The following MYCBP2 variants were observed in gnomAD, a reference collection of about 807,000 sequenced individuals.
MYCBP2 encodes the protein E3 ubiquitin-protein ligase MYCBP2.
Under a neutral mutation model 525.3 loss-of-function variants are expected in MYCBP2, and 120 were observed. That is an observed-to-expected ratio of 0.23 (90% CI 0.20 to 0.27). The LOEUF is 0.27. Ranked by LOEUF, MYCBP2 falls within the 10% of genes least tolerant of loss-of-function variation. The pLI is 1.00. For synonymous variants in MYCBP2, 1,894 were observed against 1,955.8 expected (o/e 0.97, Z 0.83); for missense variants, 4,149 against 5,657.1 (o/e 0.73, Z 8.55).
chr13:77,325,608 C>G lies in MYCBP2; in HGVS notation c.302+866G>C, dbSNP rs148683885. 5.9e-5 allele frequency among the ~76,000 whole-genome samples: 9 copies of G among 152,358 alleles called. No homozygotes were observed. The East Asian group carries it at 1.7e-3, about 29-fold the overall frequency. ...TCTACGCGCTATTCAGATTTTCTAG[C>G]TAGTGGCAGTTGAACGCTGTACCAG... On this transcript the variant is annotated intron_variant, in intron 1 of 82. Coordinates refer to ENST00000544440, the MANE Select transcript of MYCBP2 (RefSeq NM_015057.5).
chr13:77,257,677 C>A lies in MYCBP2; in HGVS notation c.2170G>T (p.Gly724Trp). 6.4e-7 allele frequency: 1 copy of A among 1,564,724 alleles called. No homozygotes were observed. Among genetic ancestry groups the A allele is most frequent in the South Asian group, 1.2e-5 (1 of 80,900 alleles). The change falls in exon 14 of 83, where the codon GGG (glycine) becomes TGG (tryptophan). Residue 724 changes from glycine to tryptophan, a missense_variant. Coordinates refer to ENST00000544440, the MANE Select transcript of MYCBP2 (RefSeq NM_015057.5). ...CTAAGAATTAAAGACCTACCTTTCC[C>A]ACCTTGGTTCATGGCACCAGTATCT... Reference protein sequence around the residue: ...GRDTGAMNQGGKGFGVENMAT... With the variant: ...GRDTGAMNQGWKGFGVENMAT...
chr13:77,077,036 C>CA, intron 67 of MYCBP2, 112 bp downstream of exon 67: 1 of 1,435,694 alleles, frequency 7.0e-7, no homozygotes, highest in Non-Finnish European at 9.3e-7. Flanking sequence ...AAAAAATGGG[C>CA]AACATTTATA....
At chr13:77,282,138 T>C (rs767636479) in intron 3 of MYCBP2, among the ~76,000 whole-genome samples, 2 of 152,014 alleles carry the variant, frequency 1.3e-5, no homozygotes, top group Non-Finnish European at 2.9e-5. Context: ...AGGCCGGGTG[T>C]GGTAGCTCAC....
intron 43 of MYCBP2, 101 bp downstream of exon 43, chr13:77,164,353 A>T (rs1416949656): frequency 1.4e-6 from 1 of 722,308 alleles, no homozygotes; most frequent in African/African-American, 1.8e-5. Context: ...AATATATGAG[A>T]TTACAAAATT....
chr13:77,325,967 G>C (rs991183287), intron 1 of MYCBP2, among the ~76,000 whole-genome samples: 1 of 152,098 alleles, frequency 6.6e-6, no homozygotes, highest in Non-Finnish European at 1.5e-5. Context: ...ACTCCTCTTG[G>C]TGAAAGGCAG....
chr13:77,199,193 G>C (rs1420718846), intron 26 of MYCBP2, among the ~76,000 whole-genome samples: 2 of 152,220 alleles, frequency 1.3e-5, no homozygotes, highest in African/African-American at 2.4e-5. Context: ...CGCACCATGC[G>C]CGAGCTGAAG....
chr13:77,143,988 TG>T (rs2055110717), intron 49 of MYCBP2: 1 of 181,884 alleles, frequency 5.5e-6, no homozygotes, highest in Non-Finnish European at 1.2e-5. Context: ...GATATCCTAT[TG>T]GTTCTGTCTC....
At chr13:77,137,757 T>G (rs1055270771) in intron 52 of MYCBP2, among the ~76,000 whole-genome samples, 2 of 152,064 alleles carry the variant, frequency 1.3e-5, no homozygotes, top group Admixed American at 1.3e-4. Flanking sequence ...CCTGGCTAAT[T>G]TTTTGCATTT....
At position 77,217,952 on chromosome 13, in the gene MYCBP2, C is replaced by T. The variant is rs2065043877; in HGVS notation, c.2945G>A (p.Cys982Tyr). The change falls in exon 21 of 83, where the codon TGT becomes TAT. Residue 982 changes from cysteine (C) to tyrosine (Y), a missense_variant. Physicochemically the swap from Cys to Tyr is radical, Grantham distance 194 (BLOSUM62 -2). This residue lies in a region of MYCBP2 where 620 missense variants were observed against 795.5 expected (regional missense o/e 0.78). Coordinates refer to ENST00000544440, the MANE Select transcript of MYCBP2 (RefSeq NM_015057.5). The part of the protein sequence containing the change: ...LGHGDVNSRG[C>Y]PTLVQALPGP... ...TGGCAATGCTTGAACAAGAGTGGGA[C>T]ATCCCCTAGGTTAAAAAAAAAAAAA... 6.3e-7 allele frequency: 1 copy of T among 1,575,278 alleles called. No individual in the cohort carries two copies. Among genetic ancestry groups the T allele is most frequent in the East Asian group, 2.3e-5 (1 of 43,976 alleles).
chr13:77,176,430 A>T (rs986627577), intron 36 of MYCBP2, 67 bp downstream of exon 36: 14 of 1,367,230 alleles, frequency 1.0e-5, no homozygotes, highest in Non-Finnish European at 1.3e-5. Flanking sequence ...TTCATGGAAT[A>T]CTCTTCACTA....
chr13:77,294,719 T>C (rs2077987733), intron 2 of MYCBP2, among the ~76,000 whole-genome samples: 1 of 152,248 alleles, frequency 6.6e-6, no homozygotes, highest in South Asian at 2.1e-4. Flanking sequence ...AGAGGTTTTC[T>C]GTATATTGAC....
chr13:77,192,504 G>C (rs1428048648), intron 27 of MYCBP2, among the ~76,000 whole-genome samples: 1 of 152,190 alleles, frequency 6.6e-6, no homozygotes, highest in Non-Finnish European at 1.5e-5. Context: ...AGAGTGGAAG[G>C]AATGTTTATT....
At chr13:77,251,398 C>G (rs781622458) in intron 14 of MYCBP2, 43 bp from the exon 15 acceptor site, 2 of 1,538,742 alleles carry the variant, frequency 1.3e-6, no homozygotes, top group Admixed American at 3.4e-5. Flanking sequence ...AGGTTACTTT[C>G]ATGTATAAAA....
Position 77,125,401 on chromosome 13 carries a change from T to G in MYCBP2, c.7952A>C (p.Asp2651Ala), listed in dbSNP as rs377565904. Residue 2651 changes from aspartate to alanine, a missense_variant, in exon 54 of 83, where the codon GAT becomes GCT. Asp to Ala is a moderately radical substitution (Grantham distance 126, BLOSUM62 -2). Coordinates refer to ENST00000544440, the MANE Select transcript of MYCBP2 (RefSeq NM_015057.5). ...QNSMVEFCES[D>A]EGEAWSLARD... The stretch of plus-strand genomic sequence containing the variant: ...AGCTAAGGACCATGCCTCTCCTTCA[T>G]CACTCTCACAGAACTCTACCATGCT... 1.2e-5 allele frequency: 20 copies of G among 1,613,908 alleles called. No homozygotes were observed. The Middle Eastern group carries it at 4.9e-4, about 40-fold the overall frequency.
intron 8 of MYCBP2, 55 bp from the exon 9 acceptor site, chr13:77,264,057 G>T: frequency 2.8e-6 from 4 of 1,425,096 alleles, no homozygotes; most frequent in Non-Finnish European, 2.9e-6. Flanking sequence ...CTTGCAAAAT[G>T]AATTTACTCC....
intron 8 of MYCBP2, 112 bp from the exon 9 acceptor site, chr13:77,264,114 C>A: frequency 3.1e-6 from 2 of 644,896 alleles, no homozygotes; most frequent in South Asian, 5.4e-5. Flanking sequence ...AGGATAAACT[C>A]AAAAGGAGAC....
At position 77,180,291 on chromosome 13, in the gene MYCBP2, T is replaced by C; in HGVS notation, c.4969A>G (p.Ser1657Gly). ...ATTTTCTCCAGAACTTCACGGAAGC[T>C]TGTCATCCCTGAGATATTCTCTTCA... ...QSEENISGMT[S>G]FREVLEKMLV... The change falls in exon 34 of 83, where the codon AGC becomes GGC. Residue 1657 changes from serine (S) to glycine (G), a missense_variant. Coordinates refer to ENST00000544440, the MANE Select transcript of MYCBP2 (RefSeq NM_015057.5). 1 of 1,614,176 alleles carries C rather than the reference T, an allele frequency of 6.2e-7. No individual in the cohort carries two copies. Among genetic ancestry groups the C allele is most frequent in the Non-Finnish European group, 8.5e-7 (1 of 1,180,010 alleles).
At chr13:77,277,863 A>G (rs2075795868) in intron 4 of MYCBP2, among the ~76,000 whole-genome samples, 1 of 152,254 alleles carries the variant, frequency 6.6e-6, no homozygotes, top group Non-Finnish European at 1.5e-5. Flanking sequence ...TAGATAGTTT[A>G]AAGACCCATA....
chr13:77,288,445 G>T, intron 2 of MYCBP2, 69 bp from the exon 3 acceptor site: 1 of 1,317,448 alleles, frequency 7.6e-7, no homozygotes, highest in Non-Finnish European at 1.1e-6. Context: ...TTACATAAAA[G>T]TAAAGATTAG....
Sources: allele counts gnomAD v4.1 joint callset (sites outside exome capture counted in the v4.1 genomes callset), GRCh38; gene constraint gnomAD v4.1.1; regional missense constraint gnomAD v4.1.1; transcripts MANE v1.5; gene names NCBI Gene and HGNC (gene_info 2026-07-23, HGNC 2026-07-21).